The following EML6 variants were observed in gnomAD, a reference collection of about 807,000 sequenced individuals.
EML6 encodes the protein echinoderm microtubule-associated protein-like 6.
Under a neutral mutation model 240.1 loss-of-function variants are expected in EML6, and 154 were observed. The observed-to-expected ratio is 0.64, with a 90% CI of 0.56 to 0.73. The LOEUF is 0.73. Among genes scored for constraint, EML6 ranks in the 30% least tolerant of loss-of-function variants. The pLI is 0.00. For missense variants in EML6, 2,964 were observed against 2,474.6 expected (o/e 1.20, Z -4.20); for synonymous variants, 1,148 against 899.0 (o/e 1.28, Z -4.95).
chr2:54,738,776 G>A (rs903797908), intron 2 of EML6, among the ~76,000 whole-genome samples: 4 of 152,186 alleles, frequency 2.6e-5, no homozygotes, highest in Non-Finnish European at 5.9e-5. Flanking sequence ...AAATACTGGA[G>A]TTTATCTGTT....
intron 29 of EML6, among the ~76,000 whole-genome samples, chr2:54,949,961 C>T (rs1384256428): frequency 6.6e-6 from 1 of 152,202 alleles, no homozygotes; most frequent in Admixed American, 6.5e-5. Context: ...TGCTTCTCAC[C>T]CTAAACCTTC....
At chr2:54,732,236 AT>A (rs1683207721) in intron 2 of EML6, among the ~76,000 whole-genome samples, 1 of 151,636 alleles carries the variant, frequency 6.6e-6, no homozygotes, top group African/African-American at 2.4e-5. Context: ...CTTTTTTCCC[AT>A]TCAGTGAGTT....
At chr2:54,839,493 G>C (rs911994500) in intron 7 of EML6, among the ~76,000 whole-genome samples, 1 of 152,214 alleles carries the variant, frequency 6.6e-6, no homozygotes, top group African/African-American at 2.4e-5. Context: ...GTTGCTCTCT[G>C]AGAGAAAATG....
At chr2:54,818,814 G>C (rs1157232898) in intron 4 of EML6, among the ~76,000 whole-genome samples, 2 of 152,092 alleles carry the variant, frequency 1.3e-5, no homozygotes, top group East Asian at 3.9e-4. Context: ...TGTTCTCCCA[G>C]ACCCCATAAT....
intron 2 of EML6, among the ~76,000 whole-genome samples, chr2:54,744,438 A>G (rs2103665759): frequency 6.6e-6 from 1 of 152,272 alleles, no homozygotes; most frequent in African/African-American, 2.4e-5. Flanking sequence ...GAGGTGAGCC[A>G]TGGAAGCTTT....
chr2:54,899,538 C>CT lies in EML6; in HGVS notation c.2983-97dup, dbSNP rs888952499. On this transcript the variant is annotated intron_variant, in intron 21 of 41. Coordinates refer to ENST00000356458, the MANE Select transcript of EML6 (RefSeq NM_001039753.4). ...CAAAGTGTGTTTATTCCTATTTGTG[C>CT]TTTTTTGTGGTACTCTTGGACTGAA... The CT allele has an allele frequency of 5.1e-6, 6 of 1,186,558 alleles. No individual in the cohort carries two copies. The African/African-American group carries it at 6.2e-5, about 12-fold the overall frequency. The allele number at this position is 1,186,558 out of a possible 1,614,324, so 73.5% of individuals were successfully genotyped here.
At chr2:54,845,336 C>T (rs1042460843) in intron 8 of EML6, among the ~76,000 whole-genome samples, 2 of 152,116 alleles carry the variant, frequency 1.3e-5, no homozygotes, top group East Asian at 1.9e-4. Context: ...TGAATTTTCC[C>T]GCTTATTCAG....
At position 54,970,178 on chromosome 2, in the gene EML6, C is replaced by G; in HGVS notation, c.*83C>G. On this transcript the variant is annotated 3_prime_UTR_variant, in exon 42 of 42. Transcript: ENST00000356458. ...GCCATGCTGAGGTGCCTCCTTGCCA[C>G]CAGCCGTTGGGAAATGCCTACCATG... 1 of 1,400,940 alleles carries G rather than the reference C, an allele frequency of 7.1e-7. No homozygotes were observed. The highest frequency in any genetic ancestry group is 9.9e-7 in the Non-Finnish European group (1 of 1,010,386). The allele number at this position is 1,400,940 out of a possible 1,614,324, so 86.8% of individuals were successfully genotyped here. A position where few individuals can be genotyped will look rare whatever the true frequency, so the allele number is the denominator to read the frequency against.
chr2:54,893,897 TAGAAA>T (rs1672615551), intron 19 of EML6, among the ~76,000 whole-genome samples: 1 of 152,178 alleles, frequency 6.6e-6, no homozygotes, highest in Non-Finnish European at 1.5e-5. Flanking sequence ...CTGCAAGTAT[TAGAAA>T]AGATTAAAGA....
At chr2:54,919,646 G>T (rs1674117666) in intron 26 of EML6, among the ~76,000 whole-genome samples, 1 of 152,182 alleles carries the variant, frequency 6.6e-6, no homozygotes, top group African/African-American at 2.4e-5. Flanking sequence ...AAATGAAATT[G>T]CTAGCAGTAC....
intron 22 of EML6, 85 bp from the exon 23 acceptor site, chr2:54,902,959 A>G (rs1673137575): frequency 2.4e-6 from 3 of 1,274,478 alleles, no homozygotes; most frequent in South Asian, 2.8e-5. Flanking sequence ...CATAATGCAC[A>G]TCATCAGATT....
At chr2:54,891,797 G>C (rs1309805930) in intron 18 of EML6, among the ~76,000 whole-genome samples, 1 of 152,194 alleles carries the variant, frequency 6.6e-6, no homozygotes, top group East Asian at 1.9e-4. Flanking sequence ...ATGCCACCCA[G>C]TATGTCTGGA....
chr2:54,928,445 T>G lies in EML6; in HGVS notation c.3808T>G (p.Phe1270Val), dbSNP rs1297931896. 1.3e-6 allele frequency: 2 copies of G among 1,549,254 alleles called. No homozygotes were observed. Among genetic ancestry groups the G allele is most frequent in the Non-Finnish European group, 8.7e-7 (1 of 1,145,930 alleles). The change falls in exon 27 of 42, where the codon TTT becomes GTT. Residue 1270 changes from phenylalanine to valine, a missense_variant. Coordinates refer to ENST00000356458, the MANE Select transcript of EML6 (RefSeq NM_001039753.4). ...AGCCCTGATGATCTGGACCAGGGAG[T>G]TTGTGGGGACCCAGGAGAGCAAGCT... Reference protein sequence around the residue: ...DTALMIWTREFVGTQESKLVD... With the variant: ...DTALMIWTREVVGTQESKLVD...
chr2:54,949,794 C>T (rs926594272), intron 29 of EML6, among the ~76,000 whole-genome samples: 1 of 152,180 alleles, frequency 6.6e-6, no homozygotes, highest in Non-Finnish European at 1.5e-5. Flanking sequence ...AAATCTCTGG[C>T]CCCCCAAACC....
chr2:54,821,569 A>G (rs952949294), intron 5 of EML6, among the ~76,000 whole-genome samples: 8 of 152,156 alleles, frequency 5.3e-5, no homozygotes, highest in African/African-American at 1.7e-4. Context: ...AGCATTAAAT[A>G]ATGACAATAA....
rs1392577925 is a variant in EML6 at position 54,779,870 on chromosome 2, A to G, written c.198-33362A>G. ...GACCCAGTCTCAAAAAAAAAGAAAA[A>G]AAAAAAAAAAAGAATATAGTAAGGA... On this transcript the variant is annotated intron_variant, in intron 2 of 41. Transcript: ENST00000356458. Among the ~76,000 whole-genome samples the G allele has an allele frequency of 1.6e-3, 239 of 151,278 alleles. 3 individuals are homozygous for G. The highest frequency in any genetic ancestry group is 5.6e-3 in the African/African-American group (230 of 41,202).
chr2:54,753,744 C>A (rs1684277487), intron 2 of EML6, among the ~76,000 whole-genome samples: 2 of 150,780 alleles, frequency 1.3e-5, no homozygotes, highest in Non-Finnish European at 2.9e-5. Context: ...TAGCTCACTG[C>A]AGCCTCGAAC....
chr2:54,955,504 G>T (rs1024681968), intron 32 of EML6, among the ~76,000 whole-genome samples: 1 of 152,200 alleles, frequency 6.6e-6, no homozygotes, highest in Non-Finnish European at 1.5e-5. Context: ...CTTATGTGGG[G>T]ACAGAAATTG....
intron 35 of EML6, among the ~76,000 whole-genome samples, chr2:54,961,192 T>TTTTTTTTTTTTTTTTTTTTTTTTTTTTG (rs1558729640): frequency 8.8e-6 from 1 of 113,432 alleles, no homozygotes; most frequent in Non-Finnish European, 1.8e-5. Flanking sequence ...TAGTTTTTTT[T>TTTTTTTTTTTTTTTTTTTTTTTTTTTTG]TTTTTTTTTT....
Sources: allele counts gnomAD v4.1 joint callset (sites outside exome capture counted in the v4.1 genomes callset), GRCh38; gene constraint gnomAD v4.1.1; transcripts MANE v1.5; gene names NCBI Gene and HGNC (gene_info 2026-07-23, HGNC 2026-07-21).